The following DPP10 variants were observed in gnomAD, a reference collection of about 807,000 sequenced individuals.
DPP10 encodes the protein dipeptidyl peptidase like 10.
Under a neutral mutation model 120.9 loss-of-function variants are expected in DPP10, and 33 were observed. That is an observed-to-expected ratio of 0.27 (90% CI 0.21 to 0.37). The LOEUF (loss-of-function observed/expected upper bound fraction) is 0.37, where lower values mean the gene tolerates loss of function less well. Ranked by LOEUF, DPP10 falls within the 10% of genes least tolerant of loss-of-function variation. The pLI is 1.00. For synonymous variants in DPP10, 337 were observed against 326.1 expected (o/e 1.03, Z -0.36); for missense variants, 816 against 942.8 (o/e 0.87, Z 1.76).
At chr2:115,698,979 C>CA (rs983744153) in intron 7 of DPP10, among the ~76,000 whole-genome samples, 1 of 86,650 alleles carries the variant, frequency 1.2e-5, no homozygotes, top group African/African-American at 4.3e-5. Context: ...GTTGGTTCTT[C>CA]AAAAAAATCA....
At chr2:115,801,827 C>A (rs569924983) in intron 19 of DPP10, among the ~76,000 whole-genome samples, 1 of 152,036 alleles carries the variant, frequency 6.6e-6, no homozygotes, top group African/African-American at 2.4e-5. Context: ...CTGCTGGATT[C>A]GGTTTGCCAG....
chr2:115,707,070 C>T (rs1575572560), intron 7 of DPP10, among the ~76,000 whole-genome samples: 3 of 151,860 alleles, frequency 2.0e-5, no homozygotes, highest in Non-Finnish European at 1.5e-5. Flanking sequence ...AAAAGAAATC[C>T]ACAGCCAGAA....
intron 5 of DPP10, among the ~76,000 whole-genome samples, chr2:115,647,379 C>T (rs1404668950): frequency 1.3e-5 from 2 of 152,078 alleles, no homozygotes; most frequent in African/African-American, 4.8e-5. Context: ...TATACTCATT[C>T]ATTAGCCTTT....
chr2:115,456,927 C>A (rs1265243489), intron 3 of DPP10, among the ~76,000 whole-genome samples: 3 of 151,544 alleles, frequency 2.0e-5, no homozygotes, highest in Non-Finnish European at 4.4e-5. Flanking sequence ...GTGTAACAAA[C>A]CTGCACATTC....
At chr2:115,741,279 G>A (rs1170625149) in intron 9 of DPP10, among the ~76,000 whole-genome samples, 1 of 151,932 alleles carries the variant, frequency 6.6e-6, no homozygotes, top group African/African-American at 2.4e-5. Flanking sequence ...TGATTTATAG[G>A]GTCTTCTCTG....
intron 1 of DPP10, among the ~76,000 whole-genome samples, chr2:115,233,498 C>G (rs2057843269): frequency 6.6e-6 from 1 of 152,146 alleles, no homozygotes; most frequent in African/African-American, 2.4e-5. Context: ...CCATAGGCAT[C>G]ATTTGGAGCT....
chr2:114,538,822 G>A (rs932043758), intron 1 of DPP10, among the ~76,000 whole-genome samples: 4 of 152,324 alleles, frequency 2.6e-5, no homozygotes, highest in Non-Finnish European at 4.4e-5. Flanking sequence ...TGCAGTAGGT[G>A]CACCCGAGAG....
At chr2:115,810,492 G>A (rs991295599) in intron 19 of DPP10, among the ~76,000 whole-genome samples, 2 of 152,058 alleles carry the variant, frequency 1.3e-5, no homozygotes, top group Non-Finnish European at 2.9e-5. Flanking sequence ...AATCTATTGA[G>A]TATTGTTTGT....
intron 21 of DPP10, among the ~76,000 whole-genome samples, chr2:115,821,800 A>T (rs1687845113): frequency 6.6e-6 from 1 of 151,854 alleles, no homozygotes; most frequent in Non-Finnish European, 1.5e-5. Flanking sequence ...GAACATTTGC[A>T]TTGTTTTTAG....
chr2:115,125,936 C>A (rs909642694), intron 1 of DPP10, among the ~76,000 whole-genome samples: 1 of 152,138 alleles, frequency 6.6e-6, no homozygotes, highest in East Asian at 1.9e-4. Flanking sequence ...GCCATATTAC[C>A]AGGCTAAGTA....
intron 1 of DPP10, among the ~76,000 whole-genome samples, chr2:114,527,015 T>C (rs960454983): frequency 6.6e-6 from 1 of 152,216 alleles, no homozygotes; most frequent in Non-Finnish European, 1.5e-5. Context: ...TGTAAACAGT[T>C]ACTCTGGGAC....
At chr2:115,086,605 C>G (rs369889588) in intron 1 of DPP10, among the ~76,000 whole-genome samples, 1 of 152,010 alleles carries the variant, frequency 6.6e-6, no homozygotes, top group East Asian at 1.9e-4. Flanking sequence ...TACAGGCGCC[C>G]ACCACTATGC....
intron 1 of DPP10, among the ~76,000 whole-genome samples, chr2:114,545,447 G>T (rs1426008441): frequency 6.6e-6 from 1 of 152,114 alleles, no homozygotes; most frequent in South Asian, 2.1e-4. Context: ...GAATGAACAA[G>T]GTTACCCCAG....
At chr2:115,259,484 CAAA>C (rs563035188) in intron 1 of DPP10, among the ~76,000 whole-genome samples, 72 of 107,580 alleles carry the variant, frequency 6.7e-4, no homozygotes, top group African/African-American at 2.4e-3. Flanking sequence ...AACTTCATCT[CAAA>C]AAAAAAAAAA....
intron 8 of DPP10, among the ~76,000 whole-genome samples, chr2:115,729,114 T>C (rs180976342): frequency 9.0e-4 from 137 of 152,264 alleles, no homozygotes; most frequent in Admixed American, 1.6e-3. Flanking sequence ...GAAAAAGAAA[T>C]ACACAGGTAA....
chr2:115,223,784 A>T (rs1458023919), intron 1 of DPP10, among the ~76,000 whole-genome samples: 1 of 152,156 alleles, frequency 6.6e-6, no homozygotes, highest in Non-Finnish European at 1.5e-5. Flanking sequence ...GAAGAAAATG[A>T]TTAATAGCAT....
intron 5 of DPP10, among the ~76,000 whole-genome samples, chr2:115,610,227 C>T (rs951036550): frequency 6.6e-6 from 1 of 151,966 alleles, no homozygotes; most frequent in South Asian, 2.1e-4. Flanking sequence ...GTTCCCCTCA[C>T]CCCCCCATGG....
intron 1 of DPP10, among the ~76,000 whole-genome samples, chr2:115,019,144 G>C (rs1238776229): frequency 2.0e-5 from 3 of 151,976 alleles, no homozygotes; most frequent in Non-Finnish European, 4.4e-5. Flanking sequence ...GCAAGGACTG[G>C]TGAGATTTTT....
At chr2:115,124,730 A>T (rs1441026115) in intron 1 of DPP10, among the ~76,000 whole-genome samples, 1 of 152,250 alleles carries the variant, frequency 6.6e-6, no homozygotes, top group East Asian at 1.9e-4. Flanking sequence ...TTAAGTTTGT[A>T]ATGAAATGGG....
Sources: allele counts gnomAD v4.1 joint callset (sites outside exome capture counted in the v4.1 genomes callset), GRCh38; gene constraint gnomAD v4.1.1; transcripts MANE v1.5; gene names NCBI Gene and HGNC (gene_info 2026-07-23, HGNC 2026-07-21).